Variants in PLCE1 observed in about 807,000 individuals in gnomAD.
The protein encoded by PLCE1 is phospholipase C epsilon 1.
In PLCE1, 119 loss-of-function variants were observed where a neutral mutation model predicts 242.8. The ratio of observed to expected loss-of-function variants is 0.49; its 90% confidence interval spans 0.42 to 0.57. PLCE1 has a LOEUF of 0.57. Among genes scored for constraint, PLCE1 ranks in the 20% least tolerant of loss-of-function variants. The pLI is 0.00. For missense variants in PLCE1, 2,441 were observed against 2,788.8 expected, an observed-to-expected ratio of 0.88 and a Z score of 2.81; for synonymous variants, 945 against 1,017.4, an observed-to-expected ratio of 0.93 and a Z score of 1.35.
At chr10:94,139,605 A>G (rs957217814) in intron 3 of PLCE1, 2 of 152,230 alleles carry the variant, frequency 1.3e-5, no homozygotes, top group African/African-American at 4.8e-5. Context: ...TTTACTAAAC[A>G]TAAATATCTT....
chr10:94,329,108 C>G lies in PLCE1; in HGVS notation c.*1165C>G, dbSNP rs1233643419. 6.6e-6 allele frequency: 1 copy of G among 152,148 alleles called. No homozygotes were observed. Among genetic ancestry groups the G allele is most frequent in the African/African-American group, 2.4e-5 (1 of 41,420 alleles). The allele number at this position is 152,148 out of a possible 1,614,324, so 9.4% of individuals were successfully genotyped here. ...CAAACTTCTAAAAAGAAAATATATG[C>G]TCTGAACATCTGAAATGGGCTAGAC... On this transcript the variant is annotated 3_prime_UTR_variant, in exon 33 of 33. Transcript: ENST00000371380.
chr10:94,277,396 G>A (rs1274745725), intron 19 of PLCE1, among the ~76,000 whole-genome samples: 1 of 152,128 alleles, frequency 6.6e-6, no homozygotes, highest in Non-Finnish European at 1.5e-5. Flanking sequence ...TTCAGGGGCT[G>A]AGGTCCCATT....
intron 4 of PLCE1, among the ~76,000 whole-genome samples, chr10:94,220,764 C>T (rs1321018669): frequency 6.6e-6 from 1 of 152,076 alleles, no homozygotes; most frequent in African/African-American, 2.4e-5. Flanking sequence ...CCAACTTCAC[C>T]CTCACAACAA....
chr10:94,072,737 T>C (rs2044396986), intron 2 of PLCE1, among the ~76,000 whole-genome samples: 1 of 152,232 alleles, frequency 6.6e-6, no homozygotes, highest in Non-Finnish European at 1.5e-5. Flanking sequence ...TTTTGTTATG[T>C]TTCATCCCTA....
chr10:94,138,021 T>C (rs1287571449), intron 3 of PLCE1: 3 of 376,302 alleles, frequency 8.0e-6, no homozygotes, highest in South Asian at 2.5e-5. Context: ...AGATTCAACA[T>C]TGGTGAGGAC....
chr10:94,218,546 A>G lies in PLCE1; in HGVS notation c.1810-8760A>G, dbSNP rs1043068015. ...CATAAATAGTATTATAATGACATAA[A>G]CCAATACTTCTGTCAGCTTAGAATT... On this transcript the variant is annotated intron_variant, in intron 4 of 32. Transcript: ENST00000371380. Among the ~76,000 whole-genome samples, 3 of 152,122 alleles carry G rather than the reference A, an allele frequency of 2.0e-5. No individual in the cohort carries two copies. The East Asian group carries it at 5.8e-4, about 29-fold the overall frequency.
rs114847014 is a variant in PLCE1 at position 94,133,256 on chromosome 10, A to C, written c.1492+797A>C. Among the ~76,000 whole-genome samples the C allele has an allele frequency of 3.9e-3, 599 of 152,328 alleles. 6 individuals are homozygous for C. The highest frequency in any genetic ancestry group is 0.014 in the African/African-American group (570 of 41,580). On this transcript the variant is annotated intron_variant, in intron 3 of 32. Transcript: ENST00000371380. ...AGCTACTCCCATCTTAAAGGACAAG[A>C]TAGGCAGGCATCCCACTGAAAGATG...
At chr10:94,131,135 T>C (rs932317616) in intron 2 of PLCE1, among the ~76,000 whole-genome samples, 2 of 152,166 alleles carry the variant, frequency 1.3e-5, no homozygotes, top group East Asian at 3.9e-4. Context: ...GGTGACATGA[T>C]AGAGACAGCA....
chr10:94,042,410 G>A (rs2061787024), intron 2 of PLCE1, among the ~76,000 whole-genome samples: 1 of 152,066 alleles, frequency 6.6e-6, no homozygotes, highest in African/African-American at 2.4e-5. Context: ...ATTTCATTGG[G>A]TCCTGTGTGA....
At chr10:94,279,596 C>A in intron 19 of PLCE1, 186 bp from the exon 20 acceptor site, 1 of 642,496 alleles carries the variant, frequency 1.6e-6, no homozygotes, top group Non-Finnish European at 2.7e-6. Flanking sequence ...TGTAGGAATG[C>A]TAACGTTCAC....
chr10:94,062,663 T>C (rs1275742379), intron 2 of PLCE1, among the ~76,000 whole-genome samples: 1 of 149,126 alleles, frequency 6.7e-6, no homozygotes, highest in Admixed American at 6.8e-5. Flanking sequence ...TGTTGGAAAA[T>C]CTGAGAGTAA....
intron 7 of PLCE1, 122 bp downstream of exon 7, chr10:94,236,242 T>A: frequency 1.3e-6 from 1 of 747,052 alleles, no homozygotes; most frequent in Non-Finnish European, 2.3e-6. Context: ...CTTTTATCAT[T>A]AAGCCACACT....
chr10:94,249,423 G>GT (rs2050797331), intron 8 of PLCE1, among the ~76,000 whole-genome samples: 1 of 120,492 alleles, frequency 8.3e-6, no homozygotes, highest in Non-Finnish European at 1.9e-5. Flanking sequence ...ATGCCCTAAA[G>GT]TTAAAAAAAA....
At chr10:94,047,007 C>A (rs762959238) in intron 2 of PLCE1, among the ~76,000 whole-genome samples, 2 of 151,912 alleles carry the variant, frequency 1.3e-5, no homozygotes, top group Admixed American at 6.6e-5. Flanking sequence ...TTATAAATAA[C>A]CTTTTTAAAA....
At chr10:94,133,171 C>T (rs1367616885) in intron 3 of PLCE1, among the ~76,000 whole-genome samples, 3 of 152,058 alleles carry the variant, frequency 2.0e-5, no homozygotes, top group Non-Finnish European at 4.4e-5. Flanking sequence ...AAATATAGAT[C>T]TCCTTCATAC....
intron 14 of PLCE1, 58 bp from the exon 15 acceptor site, chr10:94,265,589 C>G: frequency 7.1e-7 from 1 of 1,399,092 alleles, no homozygotes. Context: ...GTGGTGGTTT[C>G]TTTCCCCCTC....
At chr10:94,320,691 C>T (rs750240520) in intron 29 of PLCE1, among the ~76,000 whole-genome samples, 5 of 152,178 alleles carry the variant, frequency 3.3e-5, no homozygotes, top group Non-Finnish European at 7.3e-5. Context: ...CTTACTTTAC[C>T]TCTCCCTGCC....
rs2054138162 is a variant in PLCE1, at chr10:94,329,811, A to AAAC, written c.*1868_*1869insAAC. 7.1e-6 allele frequency: 1 copy of AAAC among 140,026 alleles called. No homozygotes were observed. Among genetic ancestry groups the AAAC allele is most frequent in the Admixed American group, 7.3e-5 (1 of 13,718 alleles). The allele number at this position is 140,026 out of a possible 1,614,324, so 8.7% of individuals were successfully genotyped here. A position where few individuals can be genotyped will look rare whatever the true frequency, so the allele number is the denominator to read the frequency against. On this transcript the variant is annotated 3_prime_UTR_variant, in exon 33 of 33. Transcript: ENST00000371380. ...AAAAAAAAAAAAAAAAAAAAAAAAA[A>AAAC]CACCATACAGCTTTCATGTCATTGA...
intron 3 of PLCE1, among the ~76,000 whole-genome samples, chr10:94,140,083 G>GA (rs920036723): frequency 1.5e-4 from 22 of 150,358 alleles, no homozygotes; most frequent in East Asian, 3.9e-4. Context: ...TTATGTATTA[G>GA]AAAAAAAAAC....
Sources: allele counts gnomAD v4.1 joint callset (sites outside exome capture counted in the v4.1 genomes callset), GRCh38; gene constraint gnomAD v4.1.1; transcripts MANE v1.5; gene names NCBI Gene and HGNC (gene_info 2026-07-23, HGNC 2026-07-21).